CTNNA3: variants seen among roughly 807,000 people sequenced by gnomAD.
The protein encoded by CTNNA3 is catenin alpha 3.
In CTNNA3, 76 loss-of-function variants were observed where a neutral mutation model predicts 95.7. The observed-to-expected ratio is 0.79, with a 90% CI of 0.66 to 0.96. The LOEUF is 0.96. Among genes scored for constraint, CTNNA3 ranks in the 40% least tolerant of loss-of-function variants. The probability of loss-of-function intolerance (pLI) is 0.00; values close to 1 mark genes in which losing one functional copy is unlikely to be tolerated. For synonymous variants in CTNNA3, 431 were observed against 374.4 expected (o/e 1.15, Z -1.74); for missense variants, 1,191 against 1,089.8 (o/e 1.09, Z -1.31).
At chr10:66,893,410 T>C (rs1021969973) in intron 7 of CTNNA3, among the ~76,000 whole-genome samples, 1 of 152,042 alleles carries the variant, frequency 6.6e-6, no homozygotes, top group Non-Finnish European at 1.5e-5. Context: ...ATCTAAATAA[T>C]TATGTGTAAT....
Position 65,917,470 on chromosome 10 carries a change from T to TTTA in CTNNA3, c.*2859_*2860insTAA, listed in dbSNP as rs397729914. 6 of 151,816 alleles carry TTTA rather than the reference T, an allele frequency of 4.0e-5. No individual in the cohort carries two copies. The highest frequency in any genetic ancestry group is 9.7e-5 in the African/African-American group (4 of 41,300). The allele number at this position is 151,816 out of a possible 1,614,324, so 9.4% of individuals were successfully genotyped here. Reference sequence around the variant, plus strand: ...AGTGGATTATTATTTCGTTTTTTTTTAAATTTTCATTCTAATTCCAGTCTA... The same window carrying TTTA: ...AGTGGATTATTATTTCGTTTTTTTTTTTAAAATTTTCATTCTAATTCCAGTCTA... On this transcript the variant is annotated 3_prime_UTR_variant, in exon 18 of 18. Transcript: ENST00000433211.
chr10:66,138,686 A>G (rs956107138), intron 13 of CTNNA3, among the ~76,000 whole-genome samples: 1 of 152,074 alleles, frequency 6.6e-6, no homozygotes, highest in African/African-American at 2.4e-5. Flanking sequence ...AATACAAAAT[A>G]CAAAAATATT....
At chr10:67,674,898 C>G (rs777714818) in intron 1 of CTNNA3, among the ~76,000 whole-genome samples, 1 of 151,022 alleles carries the variant, frequency 6.6e-6, no homozygotes, top group Non-Finnish European at 1.5e-5. Context: ...ATATGTCCCT[C>G]TTTGTCTAGG....
At chr10:66,775,747 G>A (rs1000223987) in intron 7 of CTNNA3, among the ~76,000 whole-genome samples, 7 of 152,104 alleles carry the variant, frequency 4.6e-5, no homozygotes, top group Admixed American at 1.3e-4. Context: ...TTTCCGATAC[G>A]GAGTTAGGTT....
intron 1 of CTNNA3, among the ~76,000 whole-genome samples, chr10:67,723,601 A>G (rs1248855457): frequency 1.3e-5 from 2 of 152,104 alleles, no homozygotes; most frequent in African/African-American, 4.8e-5. Context: ...GCATCTTTCA[A>G]TTCTTTGATA....
intron 7 of CTNNA3, among the ~76,000 whole-genome samples, chr10:66,922,437 G>A (rs1451064955): frequency 6.6e-6 from 1 of 152,178 alleles, no homozygotes; most frequent in African/African-American, 2.4e-5. Flanking sequence ...ACTACTCTAT[G>A]TCTTTGCAGT....
intron 5 of CTNNA3, among the ~76,000 whole-genome samples, chr10:67,463,691 C>A (rs1028071712): frequency 6.6e-6 from 1 of 152,180 alleles, no homozygotes; most frequent in East Asian, 1.9e-4. Context: ...TCTTGAATTA[C>A]CTAATAATTT....
chr10:66,526,250 A>G (rs1409009786), intron 10 of CTNNA3, among the ~76,000 whole-genome samples: 1 of 152,088 alleles, frequency 6.6e-6, no homozygotes, highest in African/African-American at 2.4e-5. Flanking sequence ...TAGCGGCTCA[A>G]TCTCAGCTCA....
chr10:67,503,558 A>T (rs1839300276), intron 5 of CTNNA3, among the ~76,000 whole-genome samples: 2 of 152,190 alleles, frequency 1.3e-5, no homozygotes. Context: ...TCATTCACTT[A>T]ATCTAAAAAT....
intron 11 of CTNNA3, among the ~76,000 whole-genome samples, chr10:66,483,950 C>T (rs935791703): frequency 2.0e-5 from 3 of 152,106 alleles, no homozygotes. Flanking sequence ...CCTCGTCATA[C>T]TGTACTACAA....
At chr10:66,714,848 T>G (rs1011983206) in intron 9 of CTNNA3, among the ~76,000 whole-genome samples, 1 of 152,142 alleles carries the variant, frequency 6.6e-6, no homozygotes, top group African/African-American at 2.4e-5. Flanking sequence ...TTTGCTTGCT[T>G]AAAACTTCTT....
chr10:66,253,912 AAAG>A (rs2132077976), intron 13 of CTNNA3, among the ~76,000 whole-genome samples: 1 of 152,292 alleles, frequency 6.6e-6, no homozygotes, highest in Middle Eastern at 3.4e-3. Flanking sequence ...CAAGAGGAAA[AAAG>A]AAGGATTTCA....
At chr10:66,425,825 T>G (rs1440143333) in intron 11 of CTNNA3, among the ~76,000 whole-genome samples, 1 of 151,972 alleles carries the variant, frequency 6.6e-6, no homozygotes, top group Non-Finnish European at 1.5e-5. Flanking sequence ...ACCACACATA[T>G]GGAACCAGGA....
intron 10 of CTNNA3, among the ~76,000 whole-genome samples, chr10:66,565,006 G>A (rs1022198562): frequency 2.6e-5 from 4 of 152,088 alleles, no homozygotes; most frequent in African/African-American, 4.8e-5. Flanking sequence ...ATACAGGAAC[G>A]AAAAATACCA....
chr10:67,297,120 C>G (rs1159958575), intron 5 of CTNNA3, among the ~76,000 whole-genome samples: 2 of 152,114 alleles, frequency 1.3e-5, no homozygotes, highest in African/African-American at 4.8e-5. Context: ...GACCAAGCAA[C>G]AGGGTAGCTG....
At chr10:66,406,061 A>T (rs540967377) in intron 11 of CTNNA3, among the ~76,000 whole-genome samples, 1 of 152,202 alleles carries the variant, frequency 6.6e-6, no homozygotes, top group Admixed American at 6.5e-5. Flanking sequence ...CAGCAGTGTT[A>T]TCTCTCTTCA....
At chr10:66,209,578 A>G (rs2087997448) in intron 13 of CTNNA3, among the ~76,000 whole-genome samples, 1 of 152,164 alleles carries the variant, frequency 6.6e-6, no homozygotes, top group African/African-American at 2.4e-5. Context: ...AGGAAGGTCA[A>G]TGTGAGGAAG....
intron 11 of CTNNA3, among the ~76,000 whole-genome samples, chr10:66,516,064 G>GAAA (rs5785760): frequency 4.2e-5 from 6 of 141,236 alleles, no homozygotes; most frequent in Admixed American, 1.4e-4. Flanking sequence ...TAATTATCTG[G>GAAA]AAAAAAAAAA....
intron 6 of CTNNA3, among the ~76,000 whole-genome samples, chr10:67,186,915 T>C (rs1862880985): frequency 6.6e-6 from 1 of 152,214 alleles, no homozygotes; most frequent in Non-Finnish European, 1.5e-5. Context: ...AAAGAGTAAG[T>C]ATAGCTAGAA....
Sources: allele counts gnomAD v4.1 joint callset (sites outside exome capture counted in the v4.1 genomes callset), GRCh38; gene constraint gnomAD v4.1.1; transcripts MANE v1.5; gene names NCBI Gene and HGNC (gene_info 2026-07-23, HGNC 2026-07-21).